The following ENTREP2 variants were observed in gnomAD, a reference collection of about 807,000 sequenced individuals.
ENTREP2 encodes endosomal transmembrane epsin interactor 2.
the ENTREP2 span, among the ~76,000 whole-genome samples, chr15:29,491,245 C>T: frequency 6.2e-4 from 95 of 152,274 alleles, no homozygotes; most frequent in African/African-American, 2.1e-3. Flanking sequence ...GGTTCCTGCC[C>T]GCACCCCTCC....
chr15:29,392,447 G>A, the ENTREP2 span, among the ~76,000 whole-genome samples: 12 of 144,792 alleles, frequency 8.3e-5, no homozygotes, highest in African/African-American at 2.3e-4. Context: ...TACTTCGTTC[G>A]CCTTGATGCT....
At chr15:29,393,046 T>C in the ENTREP2 span, among the ~76,000 whole-genome samples, 1 of 152,260 alleles carries the variant, frequency 6.6e-6, no homozygotes, top group East Asian at 1.9e-4. Flanking sequence ...TAGTTCCTTG[T>C]TGTGTGCTCA....
chr15:29,283,694 G>GGTAGAAA, the ENTREP2 span, among the ~76,000 whole-genome samples: 3 of 152,110 alleles, frequency 2.0e-5, no homozygotes, highest in Non-Finnish European at 2.9e-5. Context: ...TAGAACAGAT[G>GGTAGAAA]GCTACTACAG....
the ENTREP2 span, among the ~76,000 whole-genome samples, chr15:29,497,559 GGGCT>G: frequency 6.6e-6 from 1 of 151,976 alleles, no homozygotes. Flanking sequence ...CATTACTTCT[GGGCT>G]AATTTATTGG....
chr15:29,444,247 A>AG, the ENTREP2 span, among the ~76,000 whole-genome samples: 1 of 148,644 alleles, frequency 6.7e-6, no homozygotes, highest in African/African-American at 2.5e-5. Flanking sequence ...AGAAAGAAAG[A>AG]AAGAGAAAGA....
At chr15:29,448,979 G>T in the ENTREP2 span, among the ~76,000 whole-genome samples, 20 of 152,244 alleles carry the variant, frequency 1.3e-4, no homozygotes, top group Non-Finnish European at 2.4e-4. Context: ...CTGGCCTGAA[G>T]GTCTCCAGCC....
the ENTREP2 span, among the ~76,000 whole-genome samples, chr15:29,611,951 T>C: frequency 1.3e-5 from 2 of 152,240 alleles, no homozygotes; most frequent in Non-Finnish European, 2.9e-5. Context: ...CTTGGATTGA[T>C]GACTTCTGTT....
chr15:29,507,667 G>A, the ENTREP2 span, among the ~76,000 whole-genome samples: 3 of 152,084 alleles, frequency 2.0e-5, no homozygotes, highest in East Asian at 1.9e-4. Flanking sequence ...GGTAAATAAC[G>A]AAATTAAGGC....
the ENTREP2 span, among the ~76,000 whole-genome samples, chr15:29,223,795 C>G: frequency 6.6e-6 from 1 of 152,152 alleles, no homozygotes; most frequent in Non-Finnish European, 1.5e-5. Context: ...GTCCCTGCAA[C>G]AGGAAGGCCT....
At chr15:29,523,386 CAA>C in the ENTREP2 span, among the ~76,000 whole-genome samples, 2 of 151,878 alleles carry the variant, frequency 1.3e-5, no homozygotes, top group African/African-American at 4.8e-5. Flanking sequence ...ATAAACTTAA[CAA>C]AAGAGATATA....
chr15:29,269,172 G>A, the ENTREP2 span: 1 of 1,614,148 alleles, frequency 6.2e-7, no homozygotes, highest in South Asian at 1.1e-5. Flanking sequence ...CGATCATCAG[G>A]AGGCCCGTAG....
the ENTREP2 span, among the ~76,000 whole-genome samples, chr15:29,359,234 T>C: frequency 1.3e-5 from 2 of 151,550 alleles, no homozygotes; most frequent in Admixed American, 6.6e-5. Flanking sequence ...CACGAAGGAG[T>C]GTTTTCTAAG....
the ENTREP2 span, among the ~76,000 whole-genome samples, chr15:29,600,110 T>A: frequency 2.0e-5 from 3 of 152,368 alleles, no homozygotes; most frequent in Middle Eastern, 3.4e-3. Flanking sequence ...AAGGTGCCCA[T>A]GGCACAATTC....
At chr15:29,415,232 C>T in the ENTREP2 span, among the ~76,000 whole-genome samples, 45 of 152,264 alleles carry the variant, frequency 3.0e-4, 1 homozygote, top group African/African-American at 9.9e-4. Context: ...CCCTGATGAA[C>T]ATTGATGCAA....
chr15:29,485,350 C>A, the ENTREP2 span, among the ~76,000 whole-genome samples: 1 of 152,094 alleles, frequency 6.6e-6, no homozygotes, highest in African/African-American at 2.4e-5. Context: ...CAGGACCTGG[C>A]CCCTGGTTCC....
chr15:29,667,487 C>CTTTTT, the ENTREP2 span, among the ~76,000 whole-genome samples: 10 of 104,668 alleles, frequency 9.6e-5, no homozygotes, highest in South Asian at 1.2e-3. Context: ...TGCGCCTGGC[C>CTTTTT]TTTTTTTTTT....
chr15:29,495,021 T>C, the ENTREP2 span, among the ~76,000 whole-genome samples: 2 of 152,132 alleles, frequency 1.3e-5, no homozygotes, highest in East Asian at 1.9e-4. Context: ...TGTAGATTTA[T>C]CTTTAAAACA....
the ENTREP2 span, among the ~76,000 whole-genome samples, chr15:29,551,551 C>T: frequency 5.9e-5 from 9 of 152,172 alleles, no homozygotes; most frequent in Non-Finnish European, 1.3e-4. Context: ...CTTCACTGTG[C>T]ATCATAAGAT....
chr15:29,590,678 C>T, the ENTREP2 span, among the ~76,000 whole-genome samples: 34 of 81,594 alleles, frequency 4.2e-4, no homozygotes, highest in Non-Finnish European at 5.0e-4. Context: ...AGCAAGACTC[C>T]GTCTCAAAAA....
Sources: allele counts gnomAD v4.1 joint callset (sites outside exome capture counted in the v4.1 genomes callset), GRCh38; gene constraint gnomAD v4.1.1; transcripts MANE v1.5; gene names NCBI Gene and HGNC (gene_info 2026-07-23, HGNC 2026-07-21).